GPM6A: variants seen among roughly 807,000 people sequenced by gnomAD.
GPM6A encodes the protein glycoprotein M6A.
In GPM6A, 7 loss-of-function variants were observed where a neutral mutation model predicts 32.1. That is an observed-to-expected ratio of 0.22 (90% CI 0.12 to 0.41). The LOEUF (loss-of-function observed/expected upper bound fraction) is 0.41, where lower values mean the gene tolerates loss of function less well. Ranked by LOEUF, GPM6A falls within the 10% of genes least tolerant of loss-of-function variation. GPM6A has a pLI of 1.00. For synonymous variants in GPM6A, 130 were observed against 123.4 expected (o/e 1.05, Z -0.35); for missense variants, 235 against 347.2 (o/e 0.68, Z 2.57).
intron 1 of GPM6A, among the ~76,000 whole-genome samples, chr4:175,776,066 T>A (rs1162058796): frequency 6.6e-6 from 1 of 152,128 alleles, no homozygotes; most frequent in African/African-American, 2.4e-5. Flanking sequence ...GTGTGAGAAT[T>A]TCCATAAAAA....
At chr4:175,652,868 T>C (rs1409670625) in intron 3 of GPM6A, among the ~76,000 whole-genome samples, 3 of 152,222 alleles carry the variant, frequency 2.0e-5, no homozygotes, top group African/African-American at 7.2e-5. Flanking sequence ...TTTCTATAGA[T>C]ATTTGGTTCT....
At chr4:175,797,262 T>A (rs1449099354) in intron 1 of GPM6A, among the ~76,000 whole-genome samples, 1 of 152,196 alleles carries the variant, frequency 6.6e-6, no homozygotes, top group Admixed American at 6.5e-5. Context: ...TGCTCTATGA[T>A]CTTATTCCAT....
intron 1 of GPM6A, among the ~76,000 whole-genome samples, chr4:175,882,298 G>A (rs905648103): frequency 6.6e-6 from 1 of 151,826 alleles, no homozygotes; most frequent in African/African-American, 2.4e-5. Flanking sequence ...AATATTTAAT[G>A]GTAGCTGACA....
chr4:175,759,918 G>A (rs897032542), intron 1 of GPM6A, among the ~76,000 whole-genome samples: 29 of 152,254 alleles, frequency 1.9e-4, no homozygotes, highest in African/African-American at 7.0e-4. Context: ...AGTGGCTCAC[G>A]CATGTAATCC....
intron 1 of GPM6A, among the ~76,000 whole-genome samples, chr4:175,822,127 T>C (rs1460978601): frequency 6.6e-6 from 1 of 152,098 alleles, no homozygotes; most frequent in Non-Finnish European, 1.5e-5. Context: ...TCAGAAAAAA[T>C]GTTTTATTCT....
chr4:175,746,751 C>A (rs1732119193), intron 1 of GPM6A, among the ~76,000 whole-genome samples: 1 of 152,098 alleles, frequency 6.6e-6, no homozygotes, highest in East Asian at 1.9e-4. Context: ...AGGCTATCTT[C>A]TGAAAACCTT....
chr4:175,708,848 C>A (rs1161283323), intron 1 of GPM6A, among the ~76,000 whole-genome samples: 2 of 152,028 alleles, frequency 1.3e-5, no homozygotes, highest in African/African-American at 4.8e-5. Flanking sequence ...AAGTTTATAC[C>A]AGCCTTGTAA....
intron 1 of GPM6A, among the ~76,000 whole-genome samples, chr4:175,927,666 C>G (rs2111537614): frequency 6.6e-6 from 1 of 152,350 alleles, no homozygotes. Context: ...GGGTGGATCA[C>G]TTGAGGTCAG....
intron 1 of GPM6A, among the ~76,000 whole-genome samples, chr4:175,789,118 T>C (rs1733911654): frequency 6.6e-6 from 1 of 152,186 alleles, no homozygotes; most frequent in East Asian, 1.9e-4. Context: ...CACTAATTAG[T>C]TCCTAATCTT....
chr4:175,682,468 G>T (rs547829579), intron 2 of GPM6A, among the ~76,000 whole-genome samples: 3 of 152,062 alleles, frequency 2.0e-5, no homozygotes, highest in African/African-American at 4.8e-5. Flanking sequence ...TATGCATAAC[G>T]GAAAAAGAGC....
intron 2 of GPM6A, among the ~76,000 whole-genome samples, chr4:175,677,131 G>T (rs1743415395): frequency 6.6e-6 from 1 of 151,964 alleles, no homozygotes; most frequent in Non-Finnish European, 1.5e-5. Flanking sequence ...TCAAAAAACT[G>T]CATTTGTTGT....
intron 1 of GPM6A, among the ~76,000 whole-genome samples, chr4:175,760,259 CAT>C (rs1732686850): frequency 6.6e-6 from 1 of 151,956 alleles, no homozygotes; most frequent in African/African-American, 2.4e-5. Flanking sequence ...CAAATTGATC[CAT>C]GTGTGTACTT....
At chr4:175,696,099 C>T (rs890281747) in intron 2 of GPM6A, among the ~76,000 whole-genome samples, 1 of 152,058 alleles carries the variant, frequency 6.6e-6, no homozygotes, top group African/African-American at 2.4e-5. Flanking sequence ...TTATCATAAC[C>T]ACTATCACCC....
chr4:175,908,069 A>G (rs967592326), intron 1 of GPM6A, among the ~76,000 whole-genome samples: 3 of 152,194 alleles, frequency 2.0e-5, no homozygotes, highest in African/African-American at 4.8e-5. Flanking sequence ...AAAACAGTAA[A>G]TGTAGAAAAA....
chr4:175,773,914 C>A (rs1484631251), intron 1 of GPM6A, among the ~76,000 whole-genome samples: 1 of 151,846 alleles, frequency 6.6e-6, no homozygotes, highest in African/African-American at 2.4e-5. Context: ...AATGATATAC[C>A]ATTTCATAAA....
chr4:175,872,663 A>C (rs1012351163), intron 1 of GPM6A: 1 of 152,232 alleles, frequency 6.6e-6, no homozygotes, highest in African/African-American at 2.4e-5. Flanking sequence ...GAGTACTTAC[A>C]GTAAAGTTTC....
At chr4:175,720,094 T>G (rs1287166667) in intron 1 of GPM6A, among the ~76,000 whole-genome samples, 1 of 152,228 alleles carries the variant, frequency 6.6e-6, no homozygotes, top group South Asian at 2.1e-4. Flanking sequence ...TCCCATTGCC[T>G]AAATACTTAA....
At chr4:175,716,365 T>A (rs2644003) in intron 1 of GPM6A, among the ~76,000 whole-genome samples, 96,499 of 152,006 alleles carry the variant, frequency 0.63, 32,528 homozygotes, top group East Asian at 0.92. Flanking sequence ...ATAACTCTTT[T>A]AAAAAGTGAG....
intron 1 of GPM6A, among the ~76,000 whole-genome samples, chr4:175,789,728 T>C (rs915870617): frequency 6.6e-6 from 1 of 152,168 alleles, no homozygotes; most frequent in East Asian, 1.9e-4. Context: ...AGTGATACCA[T>C]CAAACCAACT....
Sources: allele counts gnomAD v4.1 joint callset (sites outside exome capture counted in the v4.1 genomes callset), GRCh38; gene constraint gnomAD v4.1.1; transcripts MANE v1.5; gene names NCBI Gene and HGNC (gene_info 2026-07-23, HGNC 2026-07-21).